The following POC1B variants were observed in gnomAD, a reference collection of about 807,000 sequenced individuals.
POC1B encodes POC1 centriolar protein homolog B.
A neutral mutation model predicts 60.6 loss-of-function variants in POC1B; 44 were observed. That is an observed-to-expected ratio of 0.73 (90% CI 0.57 to 0.93). The LOEUF is 0.93. Ranked by LOEUF, POC1B falls within the 40% of genes least tolerant of loss-of-function variation. The pLI is 0.00. For missense variants in POC1B, 555 were observed against 572.3 expected, an observed-to-expected ratio of 0.97 and a Z score of 0.31; for synonymous variants, 180 against 198.9, an observed-to-expected ratio of 0.90 and a Z score of 0.80.
chr12:89,435,702 AT>A (rs1187469560), intron 10 of POC1B, among the ~76,000 whole-genome samples: 5 of 152,176 alleles, frequency 3.3e-5, no homozygotes, highest in South Asian at 4.1e-4. Context: ...ACATAGAAAG[AT>A]TTTTTTTCCT....
intron 2 of POC1B, among the ~76,000 whole-genome samples, chr12:89,517,718 T>C (rs1184515184): frequency 6.6e-6 from 1 of 152,202 alleles, no homozygotes; most frequent in East Asian, 1.9e-4. Context: ...TTCCAACAAA[T>C]GGATTCGTGT....
At chr12:89,419,216 G>A (rs770370), downstream of POC1B, among the ~76,000 whole-genome samples, 98,609 of 151,580 alleles carry the variant, frequency 0.65, 32,517 homozygotes, top group East Asian at 0.88. Context: ...AGAGATGCCT[G>A]TTAGAGTTCC....
intron 2 of POC1B, chr12:89,519,576 A>T (rs186098375): frequency 9.8e-5 from 15 of 152,734 alleles, no homozygotes; most frequent in Admixed American, 9.2e-4. Context: ...AATTATTAAA[A>T]CAGGAATTCA....
intron 4 of POC1B, among the ~76,000 whole-genome samples, chr12:89,487,418 C>G (rs1868696449): frequency 6.6e-6 from 1 of 152,168 alleles, no homozygotes; most frequent in Non-Finnish European, 1.5e-5. Flanking sequence ...TGACTCCTCC[C>G]CGGTTCCAGA....
chr12:89,481,464 A>T (rs1868363521), intron 4 of POC1B, among the ~76,000 whole-genome samples: 1 of 152,198 alleles, frequency 6.6e-6, no homozygotes, highest in Non-Finnish European at 1.5e-5. Context: ...TCTACATAGG[A>T]GCACTTTCTA....
chr12:89,444,439 G>A (rs1467400684), intron 10 of POC1B, among the ~76,000 whole-genome samples: 1 of 152,228 alleles, frequency 6.6e-6, no homozygotes, highest in Non-Finnish European at 1.5e-5. Context: ...TCAGATGGAA[G>A]ACTGGTTCAA....
At chr12:89,403,320 AT>A in the POC1B span, among the ~76,000 whole-genome samples, 3 of 152,120 alleles carry the variant, frequency 2.0e-5, no homozygotes, top group Non-Finnish European at 2.9e-5. Flanking sequence ...ACACACGTAC[AT>A]TTTTAACTTG....
chr12:89,424,405 T>A (rs182048076), intron 11 of POC1B, among the ~76,000 whole-genome samples: 1 of 152,324 alleles, frequency 6.6e-6, no homozygotes, highest in African/African-American at 2.4e-5. Context: ...GCAAAAGCTA[T>A]TTCTATTTGA....
intron 2 of POC1B, among the ~76,000 whole-genome samples, chr12:89,503,923 C>A (rs1357399723): frequency 1.3e-5 from 2 of 151,840 alleles, no homozygotes; most frequent in Non-Finnish European, 2.9e-5. Context: ...CTCCGCCCCG[C>A]AGCCACCCTG....
At chr12:89,510,760 A>ATTTTTTT (rs1870138240) in intron 2 of POC1B, among the ~76,000 whole-genome samples, 3 of 65,188 alleles carry the variant, frequency 4.6e-5, no homozygotes, top group Non-Finnish European at 6.3e-5. Context: ...ATATGTTTTT[A>ATTTTTTT]TTCTTTTTTT....
chr12:89,508,967 AG>A (rs1870039969), intron 2 of POC1B, among the ~76,000 whole-genome samples: 1 of 152,246 alleles, frequency 6.6e-6, no homozygotes, highest in South Asian at 2.1e-4. Context: ...GGTTCTTTAT[AG>A]AAGTGTGTGA....
At chr12:89,436,724 CAACCAAAAAAA>C (rs1308082089) in intron 10 of POC1B, among the ~76,000 whole-genome samples, 1 of 150,844 alleles carries the variant, frequency 6.6e-6, no homozygotes, top group Non-Finnish European at 1.5e-5. Flanking sequence ...AAAAAAAAAA[CAACCAAAAAAA>C]AACCCAAAAA....
chr12:89,482,983 G>A (rs1031932758), intron 4 of POC1B, among the ~76,000 whole-genome samples: 11 of 150,172 alleles, frequency 7.3e-5, no homozygotes, highest in East Asian at 2.0e-4. Flanking sequence ...GGAGTGCAAC[G>A]GCTCACCTCA....
At chr12:89,419,077 G>A (rs1187692360), downstream of POC1B, among the ~76,000 whole-genome samples, 2 of 151,924 alleles carry the variant, frequency 1.3e-5, no homozygotes, top group Non-Finnish European at 2.9e-5. Context: ...CACGTCTTCA[G>A]CTTGAGCAAC....
chr12:89,430,630 T>G (rs970381699), intron 10 of POC1B, among the ~76,000 whole-genome samples: 1 of 152,112 alleles, frequency 6.6e-6, no homozygotes, highest in African/African-American at 2.4e-5. Context: ...GGCTGGCGAG[T>G]CAGAATTAAT....
chr12:89,524,978 G>T lies in POC1B; in HGVS notation c.100+142C>A, dbSNP rs1028429991. 1.6e-5 allele frequency: 21 copies of T among 1,301,110 alleles called. No homozygotes were observed. The African/African-American group carries it at 3.0e-4, about 19-fold the overall frequency. 80.6% of individuals were successfully genotyped at this position (1,301,110 alleles called of 1,614,324 possible). On this transcript the variant is annotated intron_variant, in intron 2 of 11. Transcript: ENST00000313546. Reference sequence around the variant, plus strand: ...GGGGGCCCTAGCTGCGCCCCGCCGCGCTGGGCCCTCGTCTCCGGGTGCTCT... The same window carrying T: ...GGGGGCCCTAGCTGCGCCCCGCCGCTCTGGGCCCTCGTCTCCGGGTGCTCT...
chr12:89,429,669 G>C (rs1448151825), intron 10 of POC1B, among the ~76,000 whole-genome samples: 1 of 152,178 alleles, frequency 6.6e-6, no homozygotes. Context: ...GTTGCGATGA[G>C]AGAATTCAGA....
intron 2 of POC1B, chr12:89,521,818 T>C (rs1459725227): frequency 2.5e-6 from 1 of 395,426 alleles, no homozygotes; most frequent in Non-Finnish European, 4.5e-6. Context: ...ATTTTTAAGA[T>C]AAATTCTTAA....
intron 10 of POC1B, among the ~76,000 whole-genome samples, chr12:89,438,923 C>T (rs978796306): frequency 2.6e-5 from 4 of 152,174 alleles, no homozygotes; most frequent in African/African-American, 9.7e-5. Flanking sequence ...ATGTCCAAAC[C>T]GGAACTTGAA....
Sources: allele counts gnomAD v4.1 joint callset (sites outside exome capture counted in the v4.1 genomes callset), GRCh38; gene constraint gnomAD v4.1.1; transcripts MANE v1.5; gene names NCBI Gene and HGNC (gene_info 2026-07-23, HGNC 2026-07-21).